Variants in ATAD2B observed in about 807,000 individuals in gnomAD.
ATAD2B encodes ATPase family AAA domain-containing protein 2B.
A neutral mutation model predicts 167.6 loss-of-function variants in ATAD2B; 40 were observed. The observed-to-expected ratio is 0.24, with a 90% CI of 0.19 to 0.31. The LOEUF (loss-of-function observed/expected upper bound fraction) is 0.31, where lower values mean the gene tolerates loss of function less well. Ranked by LOEUF, ATAD2B falls within the 10% of genes least tolerant of loss-of-function variation. The pLI is 1.00. For synonymous variants in ATAD2B, 579 were observed against 596.5 expected, an observed-to-expected ratio of 0.97 and a Z score of 0.43; for missense variants, 1,242 against 1,757.2, an observed-to-expected ratio of 0.71 and a Z score of 5.24.
At chr2:23,889,044 T>C (rs1211214563) in intron 2 of ATAD2B, among the ~76,000 whole-genome samples, 3 of 152,196 alleles carry the variant, frequency 2.0e-5, no homozygotes, top group Non-Finnish European at 4.4e-5. Flanking sequence ...ACTAAATTGC[T>C]GCATAATAAA....
At chr2:23,886,083 T>A (rs1455626710) in intron 4 of ATAD2B, among the ~76,000 whole-genome samples, 1 of 152,144 alleles carries the variant, frequency 6.6e-6, no homozygotes, top group Non-Finnish European at 1.5e-5. Flanking sequence ...TATCTGAGAC[T>A]ACAGGCATGC....
At chr2:23,830,204 G>A in intron 14 of ATAD2B, among the ~76,000 whole-genome samples, 1 of 152,038 alleles carries the variant, frequency 6.6e-6, no homozygotes, top group East Asian at 1.9e-4. Flanking sequence ...GGCTGGTCTT[G>A]AACTCCCGAC....
At chr2:23,836,813 C>T (rs1042520032) in intron 13 of ATAD2B, among the ~76,000 whole-genome samples, 7 of 152,076 alleles carry the variant, frequency 4.6e-5, no homozygotes, top group Non-Finnish European at 8.8e-5. Flanking sequence ...TCCTGATGTC[C>T]ACTTAGCTCT....
At chr2:23,760,697 TATACACACACACACACAC>T (rs1676565148) in intron 24 of ATAD2B, among the ~76,000 whole-genome samples, 3 of 118,008 alleles carry the variant, frequency 2.5e-5, no homozygotes, top group African/African-American at 9.5e-5. Context: ...AATTTATATA[TATACACACACACACACAC>T]ACACACACAC....
chr2:23,786,672 A>C (rs984009223), intron 20 of ATAD2B, among the ~76,000 whole-genome samples: 1 of 152,164 alleles, frequency 6.6e-6, no homozygotes, highest in African/African-American at 2.4e-5. Context: ...TGTGTGAAAC[A>C]TGCAAATCCA....
chr2:23,839,585 A>C (rs1690554307), intron 13 of ATAD2B, among the ~76,000 whole-genome samples: 1 of 152,094 alleles, frequency 6.6e-6, no homozygotes, highest in Non-Finnish European at 1.5e-5. Context: ...ATTTGAAATA[A>C]AATCAATTTA....
chr2:23,728,028 AGAGT>A, the ATAD2B span, among the ~76,000 whole-genome samples: 1 of 152,190 alleles, frequency 6.6e-6, no homozygotes, highest in East Asian at 1.9e-4. Context: ...TGTAAAACAC[AGAGT>A]GAGCCCTAAT....
chr2:23,866,527 A>C (rs527871142), intron 10 of ATAD2B, among the ~76,000 whole-genome samples: 2 of 152,322 alleles, frequency 1.3e-5, no homozygotes, highest in African/African-American at 4.8e-5. Context: ...TGAAGAAAAA[A>C]ATTTTTTAAA....
chr2:23,771,949 TCCC>T (rs1678386565), intron 22 of ATAD2B, among the ~76,000 whole-genome samples: 1 of 152,116 alleles, frequency 6.6e-6, no homozygotes, highest in Non-Finnish European at 1.5e-5. Flanking sequence ...CAGGTCTGGC[TCCC>T]CAGTTCAGAG....
Position 23,765,616 on chromosome 2 carries a change from C to A in ATAD2B, c.3146G>T (p.Arg1049Met). The part of the protein sequence containing the change: ...PDKDPGDKII[R>M]HRACTLKDTA... Reference sequence around the variant, plus strand: ...GTCCTTCAGGGTACAAGCCCTGTGCCTAATTATTTTATCTGTTAAAAAAGT... The same window carrying A: ...GTCCTTCAGGGTACAAGCCCTGTGCATAATTATTTTATCTGTTAAAAAAGT... Residue 1049 changes from arginine to methionine, a missense_variant, in exon 23 of 28, where the codon AGG becomes ATG. Physicochemically the swap from Arg to Met is moderately conservative, Grantham distance 91. Coordinates refer to ENST00000238789, the MANE Select transcript of ATAD2B (RefSeq NM_017552.4). 1 of 1,425,244 alleles carries A rather than the reference C, an allele frequency of 7.0e-7. No homozygotes were observed. Among genetic ancestry groups the A allele is most frequent in the South Asian group, 1.7e-5 (1 of 60,030 alleles). The allele number at this position is 1,425,244 out of a possible 1,614,324, so 88.3% of individuals were successfully genotyped here. A position where few individuals can be genotyped will look rare whatever the true frequency, so the allele number is the denominator to read the frequency against.
chr2:23,689,024 C>G, the ATAD2B span: 2 of 153,176 alleles, frequency 1.3e-5, no homozygotes, highest in Non-Finnish European at 2.9e-5. Context: ...GCGCCCCCAC[C>G]CCCTCACAGC....
intron 19 of ATAD2B, 33 bp downstream of exon 19, chr2:23,798,105 A>G (rs777417660): frequency 1.5e-6 from 2 of 1,306,838 alleles, no homozygotes; most frequent in South Asian, 3.5e-5. Flanking sequence ...GAACAATATA[A>G]TAAGGAAAGA....
rs2149330929 is a variant in ATAD2B at position 23,765,599 on chromosome 2, G to A, written c.3163C>T (p.Leu1055=). 1 of 1,550,062 alleles carries A rather than the reference G, an allele frequency of 6.5e-7. No individual in the cohort carries two copies. Residue 1055 remains leucine, a synonymous_variant, in exon 23 of 28, where the codon CTG becomes TTG. Transcript: ENST00000238789. The part of the protein sequence containing the change: ...DKIIRHRACT[L]KDTAHAIIAA... The stretch of plus-strand genomic sequence containing the variant: ...ATGATAGCATGTGCAGTGTCCTTCA[G>A]GGTACAAGCCCTGTGCCTAATTATT...
chr2:23,912,634 T>G (rs1398422291), intron 1 of ATAD2B, among the ~76,000 whole-genome samples: 5 of 151,170 alleles, frequency 3.3e-5, no homozygotes, highest in Non-Finnish European at 7.4e-5. Flanking sequence ...AAATTTACTT[T>G]AAAAAAAAAC....
At chr2:23,740,685 T>G in the ATAD2B span, among the ~76,000 whole-genome samples, 8 of 152,250 alleles carry the variant, frequency 5.3e-5, no homozygotes, top group South Asian at 1.0e-3. Context: ...CAACATAGTG[T>G]TGGAAGTTCT....
At chr2:23,909,439 C>T (rs563595482) in intron 1 of ATAD2B, among the ~76,000 whole-genome samples, 6 of 149,614 alleles carry the variant, frequency 4.0e-5, no homozygotes, top group African/African-American at 1.2e-4. Flanking sequence ...TACATACATA[C>T]ATATATATAT....
At chr2:23,872,990 T>C in intron 8 of ATAD2B, 1 of 727,284 alleles carries the variant, frequency 1.4e-6, no homozygotes, top group Non-Finnish European at 2.6e-6. Context: ...CTGGGCCAGA[T>C]CAACACCAGT....
chr2:23,691,916 T>C, the ATAD2B span: 1 of 1,529,780 alleles, frequency 6.5e-7, no homozygotes, highest in Non-Finnish European at 8.8e-7. Flanking sequence ...GGGGGAAGAG[T>C]GCAGATGGGC....
At chr2:23,710,165 A>C in the ATAD2B span, among the ~76,000 whole-genome samples, 1 of 152,206 alleles carries the variant, frequency 6.6e-6, no homozygotes, top group Non-Finnish European at 1.5e-5. Context: ...GTCAGGAAAA[A>C]TATTTGCAGT....
Sources: allele counts gnomAD v4.1 joint callset (sites outside exome capture counted in the v4.1 genomes callset), GRCh38; gene constraint gnomAD v4.1.1; transcripts MANE v1.5; gene names NCBI Gene and HGNC (gene_info 2026-07-23, HGNC 2026-07-21).